The following LCOR variants were observed in gnomAD, a reference collection of about 807,000 sequenced individuals.
LCOR encodes the protein ligand-dependent corepressor.
Under a neutral mutation model 64.4 loss-of-function variants are expected in LCOR, and 14 were observed. The ratio of observed to expected loss-of-function variants is 0.22; its 90% CI spans 0.14 to 0.34. LCOR has a LOEUF of 0.34. Among genes scored for constraint, LCOR ranks in the 10% least tolerant of loss-of-function variants. The pLI, the probability that LCOR is intolerant of heterozygous loss-of-function variation, is 1.00. For synonymous variants in LCOR, 643 were observed against 642.5 expected (o/e 1.00, Z -0.01); for missense variants, 1,686 against 1,765.3 (o/e 0.96, Z 0.80).
At chr10:96,882,642 G>A (rs1846281799) in intron 2 of LCOR, among the ~76,000 whole-genome samples, 1 of 152,166 alleles carries the variant, frequency 6.6e-6, no homozygotes, top group East Asian at 1.9e-4. Context: ...TATTGGTGTT[G>A]TATATTCTAT....
intron 2 of LCOR, among the ~76,000 whole-genome samples, chr10:96,861,489 A>T (rs922471032): frequency 6.6e-6 from 1 of 152,116 alleles, no homozygotes; most frequent in Non-Finnish European, 1.5e-5. Context: ...TCCCCCACCA[A>T]TAAGCAGGCA....
At chr10:96,837,313 G>C (rs939268447) in intron 2 of LCOR, among the ~76,000 whole-genome samples, 5 of 151,484 alleles carry the variant, frequency 3.3e-5, no homozygotes, top group Non-Finnish European at 5.9e-5. Flanking sequence ...CTGGAGTGCA[G>C]TGGCGTGATC....
chr10:96,952,257 G>C (rs1847694367), intron 7 of LCOR, 61 bp downstream of exon 7: 1 of 1,127,540 alleles, frequency 8.9e-7, no homozygotes, highest in Non-Finnish European at 1.3e-6. Context: ...AAAGGTTGAT[G>C]CCAGTCTCCC....
In LCOR at chr10:96,849,754, T is replaced by G. The variant is rs1013749711; in HGVS notation, c.-330+16275T>G. On this transcript the variant is annotated intron_variant, in intron 2 of 7. Coordinates refer to ENST00000421806, the MANE Select transcript of LCOR (RefSeq NM_001346516.2). ...ATGCCCAGATTGCCCCAAGCAAGTG[T>G]GCCCTCAAAGCGTAATAAGATGGCA... Among the ~76,000 whole-genome samples, 11 of 152,112 alleles carry G rather than the reference T, an allele frequency of 7.2e-5. No individual in the cohort carries two copies. In the East Asian group the frequency reaches 2.1e-3, roughly 29 times the overall value.
intron 7 of LCOR, chr10:96,955,795 C>T: frequency 6.2e-7 from 1 of 1,614,116 alleles, no homozygotes; most frequent in South Asian, 1.1e-5. Flanking sequence ...AGGCTGGGCA[C>T]TTTGAAAAAC....
chr10:96,955,898 T>C lies in LCOR; in HGVS notation c.332+3702T>C, dbSNP rs147037110. The C allele has an allele frequency of 5.6e-6, 9 of 1,613,080 alleles. No homozygotes were observed. The Middle Eastern group carries it at 4.9e-4, about 88-fold the overall frequency. On this transcript the variant is annotated intron_variant, in intron 7 of 7. Coordinates refer to ENST00000421806, the MANE Select transcript of LCOR (RefSeq NM_001346516.2). ...ATCCCCAGGGAGAGGCAGCACAAAG[T>C]GCAAATGAATCAAAAAACGAGTAGG...
chr10:96,894,542 A>G (rs1428725669), intron 2 of LCOR, among the ~76,000 whole-genome samples: 1 of 152,260 alleles, frequency 6.6e-6, no homozygotes, highest in Admixed American at 6.5e-5. Flanking sequence ...GAATTTTATT[A>G]TGCAGGCAGT....
intron 7 of LCOR, among the ~76,000 whole-genome samples, chr10:96,978,519 A>G (rs1848056490): frequency 6.6e-6 from 1 of 152,120 alleles, no homozygotes; most frequent in Admixed American, 6.6e-5. Context: ...ATACTTCTAT[A>G]ATAATATTTT....
chr10:96,958,416 T>G (rs1847819402), intron 7 of LCOR: 1 of 1,468,948 alleles, frequency 6.8e-7, no homozygotes, highest in East Asian at 2.5e-5. Flanking sequence ...TTTCAGTGGA[T>G]GACAATCGAG....
chr10:96,904,887 G>A (rs953658122), intron 2 of LCOR, among the ~76,000 whole-genome samples: 17 of 152,152 alleles, frequency 1.1e-4, no homozygotes, highest in African/African-American at 3.9e-4. Flanking sequence ...AAACTGAGTG[G>A]CATTAACATC....
intron 2 of LCOR, among the ~76,000 whole-genome samples, chr10:96,859,556 T>C (rs973595121): frequency 3.3e-5 from 5 of 151,920 alleles, no homozygotes; most frequent in African/African-American, 1.2e-4. Flanking sequence ...GAAGGAGGCA[T>C]GTGTCTCTTT....
At chr10:96,901,023 A>G (rs1285889637) in intron 2 of LCOR, among the ~76,000 whole-genome samples, 1 of 151,956 alleles carries the variant, frequency 6.6e-6, no homozygotes, top group Non-Finnish European at 1.5e-5. Context: ...CCCCGCCTCC[A>G]CTAAAAATAC....
rs368463911 is a variant in LCOR, at chr10:96,984,619, T to C, written c.4159T>C (p.Ser1387Pro). Residue 1387 changes from serine (S) to proline (P), a missense_variant, in exon 8 of 8, where the codon TCT (serine) becomes CCT (proline). Coordinates refer to ENST00000421806, the MANE Select transcript of LCOR (RefSeq NM_001346516.2). ...GAAGGGAAGGAAGGGGAAGCAGGTG[T>C]CTGAAATCTTGCCTAAAGCAGAAGT... is the stretch of plus-strand genomic sequence containing the variant. Reference protein sequence around the residue: ...GMKGRKGKQVSEILPKAEVQS... With the variant: ...GMKGRKGKQVPEILPKAEVQS... The C allele has an allele frequency of 9.9e-6, 16 of 1,614,044 alleles. No homozygotes were observed. The highest frequency in any genetic ancestry group is 1.4e-5 in the Non-Finnish European group (16 of 1,180,048).
intron 4 of LCOR, among the ~76,000 whole-genome samples, chr10:96,913,063 T>C (rs1487278026): frequency 6.6e-6 from 1 of 152,122 alleles, no homozygotes; most frequent in Non-Finnish European, 1.5e-5. Flanking sequence ...TAAAGCACTT[T>C]TTTTTTTTCA....
chr10:96,968,933 T>G (rs1466770916), intron 7 of LCOR, among the ~76,000 whole-genome samples: 1 of 148,456 alleles, frequency 6.7e-6, no homozygotes, highest in Non-Finnish European at 1.5e-5. Flanking sequence ...AGAGATCCTG[T>G]CTCCAAAAAA....
chr10:96,915,687 C>T (rs1363833425), intron 4 of LCOR: 5 of 751,084 alleles, frequency 6.7e-6, no homozygotes, highest in Non-Finnish European at 9.6e-6. Flanking sequence ...TGGCATTTCC[C>T]ATTTTCTACA....
At chr10:96,832,918 G>T in intron 1 of LCOR, 1 of 910,194 alleles carries the variant, frequency 1.1e-6, no homozygotes, top group Non-Finnish European at 1.3e-6. Flanking sequence ...GCGTGCACGC[G>T]CGGCGGGCTG....
intron 7 of LCOR, among the ~76,000 whole-genome samples, chr10:96,976,340 T>C (rs1056056612): frequency 1.3e-5 from 2 of 152,226 alleles, no homozygotes; most frequent in East Asian, 3.8e-4. Context: ...TCTCTGATGC[T>C]ACTGTTTTTT....
At chr10:96,947,456 A>G (rs1280484476) in intron 5 of LCOR, among the ~76,000 whole-genome samples, 1 of 152,112 alleles carries the variant, frequency 6.6e-6, no homozygotes, top group Non-Finnish European at 1.5e-5. Flanking sequence ...AGATTTTAGT[A>G]ATTAGAGTCA....
Sources: allele counts gnomAD v4.1 joint callset (sites outside exome capture counted in the v4.1 genomes callset), GRCh38; gene constraint gnomAD v4.1.1; transcripts MANE v1.5; gene names NCBI Gene and HGNC (gene_info 2026-07-23, HGNC 2026-07-21).